Variants in ATP10B observed in about 807,000 individuals in gnomAD.
ATP10B encodes phospholipid-transporting ATPase VB.
Under a neutral mutation model 141.2 loss-of-function variants are expected in ATP10B, and 122 were observed. The ratio of observed to expected loss-of-function variants is 0.86; its 90% CI spans 0.75 to 1.00. ATP10B has a LOEUF of 1.00. Among genes scored for constraint, ATP10B ranks in the 50% least tolerant of loss-of-function variants. The pLI, the probability that ATP10B is intolerant of heterozygous loss-of-function variation, is 0.00. For synonymous variants in ATP10B, 685 were observed against 692.0 expected (o/e 0.99, Z 0.16); for missense variants, 1,876 against 1,825.3 (o/e 1.03, Z -0.51).
chr5:160,620,339 G>A lies in ATP10B; in HGVS notation c.2416+8C>T. On this transcript the variant is annotated splice_region_variant and intron_variant, in intron 15 of 25. Transcript: ENST00000327245. ...CTGTGCCTGGAACCCTGGTAAGGCA[G>A]GACTCACCGCAGGCTGGGTCTTCCA... 4 of 1,600,920 alleles carry A rather than the reference G, an allele frequency of 2.5e-6. No individual in the cohort carries two copies. Among genetic ancestry groups the A allele is most frequent in the Non-Finnish European group, 2.6e-6 (3 of 1,172,796 alleles).
the ATP10B span, among the ~76,000 whole-genome samples, chr5:160,879,362 AATATC>A: frequency 2.8e-5 from 3 of 106,558 alleles, no homozygotes; most frequent in African/African-American, 1.1e-4. Flanking sequence ...CAGGAAGGGG[AATATC>A]ACACTCTGGG....
At chr5:160,576,562 T>C (rs1755201526) in intron 24 of ATP10B, among the ~76,000 whole-genome samples, 1 of 152,052 alleles carries the variant, frequency 6.6e-6, no homozygotes, top group Non-Finnish European at 1.5e-5. Flanking sequence ...AGTAAGTGTT[T>C]AATAAGAGAA....
chr5:160,894,604 A>C, the ATP10B span, among the ~76,000 whole-genome samples: 2 of 152,112 alleles, frequency 1.3e-5, no homozygotes, highest in African/African-American at 4.8e-5. Flanking sequence ...TGATGGGGAG[A>C]ATGGAACCAC....
At chr5:160,866,267 G>C in the ATP10B span, among the ~76,000 whole-genome samples, 1 of 152,140 alleles carries the variant, frequency 6.6e-6, no homozygotes, top group Non-Finnish European at 1.5e-5. Context: ...CAGCAACTTA[G>C]ATGGAGCTGG....
chr5:160,620,891 G>C lies in ATP10B; in HGVS notation c.1872C>G (p.Leu624=). 6.2e-7 allele frequency: 1 copy of C among 1,614,196 alleles called. No individual in the cohort carries two copies. The highest frequency in any genetic ancestry group is 8.5e-7 in the Non-Finnish European group (1 of 1,180,040). The change falls in exon 15 of 26, where the codon CTC becomes CTG. Residue 624 remains leucine (L), a synonymous_variant. Coordinates refer to ENST00000327245, the MANE Select transcript of ATP10B (RefSeq NM_025153.3). ...GGCTCAATAGCTTCAACTTCTGGAAGAGCTGCTGAATCTTCTCCAGGGACG... is the reference window on the plus strand; with the variant it reads ...GGCTCAATAGCTTCAACTTCTGGAACAGCTGCTGAATCTTCTCCAGGGACG... ...LGTSLEKIQQ[L]FQKLKLLSLS... is the part of the protein sequence containing the mutation.
chr5:160,800,572 G>T (rs1230688710), intron 1 of ATP10B, among the ~76,000 whole-genome samples: 1 of 152,178 alleles, frequency 6.6e-6, no homozygotes, highest in Admixed American at 6.5e-5. Context: ...ACAGTGTTTT[G>T]TACAAAGTGC....
At chr5:160,730,305 C>A (rs72818566) in intron 2 of ATP10B, among the ~76,000 whole-genome samples, 13,617 of 152,126 alleles carry the variant, frequency 0.09, 601 homozygotes, top group African/African-American at 0.1. Flanking sequence ...GTGTTCTCAA[C>A]TTTCATACCT....
chr5:160,910,027 A>G, the ATP10B span, among the ~76,000 whole-genome samples: 5 of 152,310 alleles, frequency 3.3e-5, no homozygotes, highest in South Asian at 1.0e-3. Context: ...GGGTTGGGTG[A>G]ATTAAAATAT....
At chr5:160,698,745 A>G (rs1398853181) in intron 3 of ATP10B, among the ~76,000 whole-genome samples, 1 of 152,230 alleles carries the variant, frequency 6.6e-6, no homozygotes, top group Non-Finnish European at 1.5e-5. Flanking sequence ...AATTGAAAGA[A>G]TGGCAGACAG....
At chr5:160,659,514 C>G (rs528709120) in intron 7 of ATP10B, among the ~76,000 whole-genome samples, 1 of 151,934 alleles carries the variant, frequency 6.6e-6, no homozygotes, top group Non-Finnish European at 1.5e-5. Context: ...AACAAAATTT[C>G]ATCTTTCACA....
At chr5:160,780,168 T>C (rs12655540) in intron 2 of ATP10B, among the ~76,000 whole-genome samples, 5,124 of 152,222 alleles carry the variant, frequency 0.034, 257 homozygotes, top group East Asian at 0.25. Context: ...ATTTCAAGAA[T>C]AGATTTTCCT....
At chr5:160,798,982 C>T (rs1345696884) in intron 1 of ATP10B, among the ~76,000 whole-genome samples, 1 of 152,012 alleles carries the variant, frequency 6.6e-6, no homozygotes, top group Non-Finnish European at 1.5e-5. Context: ...GAACTCCTGA[C>T]CTCAGATGAT....
At chr5:160,718,846 T>G (rs1422983176) in intron 2 of ATP10B, among the ~76,000 whole-genome samples, 2 of 152,086 alleles carry the variant, frequency 1.3e-5, no homozygotes, top group Non-Finnish European at 2.9e-5. Context: ...TCAACATGAG[T>G]TTTGGTAGGG....
upstream of ATP10B, among the ~76,000 whole-genome samples, chr5:160,853,368 T>C (rs192673412): frequency 1.7e-4 from 26 of 152,232 alleles, no homozygotes; most frequent in East Asian, 4.1e-3. Context: ...AGTGGGTAAC[T>C]GGAGGTTATT....
the ATP10B span, among the ~76,000 whole-genome samples, chr5:160,893,030 TC>T: frequency 6.6e-6 from 1 of 152,004 alleles, no homozygotes; most frequent in Non-Finnish European, 1.5e-5. Flanking sequence ...ACTTTGCTTT[TC>T]CTACAGTCTT....
intron 6 of ATP10B, among the ~76,000 whole-genome samples, chr5:160,677,156 C>T (rs1052763371): frequency 5.3e-5 from 8 of 152,196 alleles, no homozygotes; most frequent in South Asian, 2.1e-4. Context: ...GACAAGAGTG[C>T]GGAGCATCAG....
At chr5:160,663,019 C>T (rs1308448852) in intron 7 of ATP10B, among the ~76,000 whole-genome samples, 1 of 152,132 alleles carries the variant, frequency 6.6e-6, no homozygotes, top group Non-Finnish European at 1.5e-5. Flanking sequence ...ATTGATGCAG[C>T]CAAAAGACAC....
chr5:160,613,421 A>C (rs1464695666), intron 17 of ATP10B, among the ~76,000 whole-genome samples: 1 of 152,230 alleles, frequency 6.6e-6, no homozygotes, highest in African/African-American at 2.4e-5. Flanking sequence ...CAGGGCCTCA[A>C]AGGATTTGCA....
the ATP10B span, among the ~76,000 whole-genome samples, chr5:160,920,351 CTTATT>C: frequency 2.0e-5 from 3 of 152,146 alleles, no homozygotes; most frequent in Non-Finnish European, 4.4e-5. Context: ...TAGAGTGAAA[CTTATT>C]TTATATTAGG....
Sources: gnomAD v4.1 joint callset for allele counts (sites outside exome capture counted in the v4.1 genomes callset) on GRCh38, gnomAD v4.1.1 for gene constraint, MANE v1.5 for transcripts, NCBI Gene and HGNC (gene_info 2026-07-23, HGNC 2026-07-21) for gene names.